RIN2: variants seen among roughly 807,000 people sequenced by gnomAD.
The protein encoded by RIN2 is RAB5 interacting protein 2.
In RIN2, 36 loss-of-function variants were observed where a neutral mutation model predicts 78.0. That is an observed-to-expected ratio of 0.46 (90% CI 0.35 to 0.61). RIN2 has a LOEUF of 0.61. RIN2 is among the 20% of genes least tolerant of loss of function. The probability of loss-of-function intolerance (pLI) is 0.00; values close to 1 mark genes in which losing one functional copy is unlikely to be tolerated. For missense variants in RIN2, 1,087 were observed against 1,159.7 expected (o/e 0.94, Z 0.91); for synonymous variants, 466 against 466.8 (o/e 1.00, Z 0.02).
chr20:19,887,679 C>T (rs1170642843), intron 2 of RIN2, among the ~76,000 whole-genome samples: 6 of 152,200 alleles, frequency 3.9e-5, no homozygotes, highest in African/African-American at 9.7e-5. Flanking sequence ...GCAAAATTCC[C>T]TGTCTGCCCT....
intron 2 of RIN2, among the ~76,000 whole-genome samples, chr20:19,851,886 C>G (rs2036992595): frequency 6.6e-6 from 1 of 152,192 alleles, no homozygotes; most frequent in Non-Finnish European, 1.5e-5. Flanking sequence ...ACAAGCACTT[C>G]TTTCTCACAC....
chr20:19,929,714 G>T (rs1381975315), intron 3 of RIN2, among the ~76,000 whole-genome samples: 1 of 152,128 alleles, frequency 6.6e-6, no homozygotes, highest in Non-Finnish European at 1.5e-5. Flanking sequence ...ATTAAAACTG[G>T]CCTCCTTTGT....
chr20:19,862,899 G>C (rs953485982), intron 2 of RIN2, among the ~76,000 whole-genome samples: 4 of 152,118 alleles, frequency 2.6e-5, no homozygotes, highest in African/African-American at 9.7e-5. Context: ...CTTTGGATTG[G>C]TTTGTAACAT....
At chr20:19,959,675 G>T (rs1369666668) in intron 5 of RIN2, among the ~76,000 whole-genome samples, 1 of 152,168 alleles carries the variant, frequency 6.6e-6, no homozygotes, top group Non-Finnish European at 1.5e-5. Context: ...GTAGGGGAGA[G>T]AATAGGTAGA....
In RIN2 at chr20:19,975,687, G is replaced by A. The variant is rs1293028521; in HGVS notation, c.1662G>A (p.Leu554=). Residue 554 remains leucine (L), a synonymous_variant, in exon 9 of 13, where the codon CTG becomes CTA. Coordinates refer to ENST00000255006, the MANE Select transcript of RIN2 (RefSeq NM_018993.4). The surrounding 1 kb of genome is among the most constrained non-coding windows in gnomAD (Gnocchi z 4.9). ...KECHVSSTDM[L]QTIRQFMTQV... ...GCCACGTGTCCAGCACCGACATGCT[G>A]CAGACCATCCGGCAGTTCATGACCC... is the stretch of plus-strand genomic sequence containing the variant. The A allele has an allele frequency of 6.2e-7, 1 of 1,613,550 alleles. No individual in the cohort carries two copies. Among genetic ancestry groups the A allele is most frequent in the African/African-American group, 1.3e-5 (1 of 74,916 alleles).
At chr20:19,942,118 A>AAAAAAAAAAAAAAAAAAAAG (rs61328325) in intron 4 of RIN2, among the ~76,000 whole-genome samples, 7 of 142,988 alleles carry the variant, frequency 4.9e-5, no homozygotes, top group African/African-American at 8.2e-5. Context: ...TCAAAAAAAA[A>AAAAAAAAAAAAAAAAAAAAG]AAAAGAAAGA....
chr20:19,945,346 G>C (rs1600894692), intron 4 of RIN2, among the ~76,000 whole-genome samples: 1 of 152,146 alleles, frequency 6.6e-6, no homozygotes, highest in South Asian at 2.1e-4. Flanking sequence ...GCAGGAGGTG[G>C]GTGGCTTTGA....
chr20:19,896,942 T>C (rs1471608035), intron 3 of RIN2, among the ~76,000 whole-genome samples: 1 of 152,228 alleles, frequency 6.6e-6, no homozygotes, highest in South Asian at 2.1e-4. Context: ...TAAAAAAGTA[T>C]TAATCAGATA....
intron 2 of RIN2, among the ~76,000 whole-genome samples, chr20:19,882,396 A>C (rs1207270346): frequency 6.6e-6 from 1 of 152,238 alleles, no homozygotes; most frequent in Admixed American, 6.5e-5. Flanking sequence ...AATTAAAATT[A>C]AATGAATAGC....
intron 4 of RIN2, among the ~76,000 whole-genome samples, chr20:19,939,862 T>C (rs1280040346): frequency 6.6e-6 from 1 of 152,048 alleles, no homozygotes; most frequent in Non-Finnish European, 1.5e-5. Context: ...TTTTTTTTTT[T>C]TTCTTGGAAA....
intron 4 of RIN2, among the ~76,000 whole-genome samples, chr20:19,943,579 G>T (rs530150710): frequency 2.4e-4 from 37 of 152,030 alleles, no homozygotes; most frequent in African/African-American, 7.0e-4. Flanking sequence ...AGTTTAATGG[G>T]ACAAAAAAAG....
At chr20:19,856,448 G>T (rs186370363) in intron 2 of RIN2, among the ~76,000 whole-genome samples, 3 of 151,800 alleles carry the variant, frequency 2.0e-5, no homozygotes, top group Non-Finnish European at 4.4e-5. Flanking sequence ...TGGGAGGATC[G>T]CTTGAGCCCA....
At chr20:19,848,315 A>G (rs2036849051) in intron 2 of RIN2, among the ~76,000 whole-genome samples, 1 of 152,072 alleles carries the variant, frequency 6.6e-6, no homozygotes, top group Admixed American at 6.6e-5. Flanking sequence ...TGGGTGGATC[A>G]TGAGGTCAGG....
At chr20:19,890,679 C>CAAAAAAAAAAAAAAAAAAAAAAAAA (rs534202183) in intron 3 of RIN2, among the ~76,000 whole-genome samples, 4 of 64,458 alleles carry the variant, frequency 6.2e-5, no homozygotes, top group Admixed American at 2.6e-4. Flanking sequence ...GTTGACTCTA[C>CAAAAAAAAAAAAAAAAAAAAAAAAA]AAAAAAAAAA....
At chr20:19,983,609 A>C (rs1342285586) in intron 9 of RIN2, among the ~76,000 whole-genome samples, 2 of 152,156 alleles carry the variant, frequency 1.3e-5, no homozygotes, top group Non-Finnish European at 2.9e-5. Context: ...TTTTTAAAAA[A>C]AAATCAGAAT....
At chr20:19,990,635 A>G (rs374539983) in intron 10 of RIN2, among the ~76,000 whole-genome samples, 14 of 151,776 alleles carry the variant, frequency 9.2e-5, no homozygotes, top group African/African-American at 2.2e-4. Context: ...TAACTGAGGG[A>G]CTTTGGCCCC....
chr20:19,894,809 T>C (rs1006431835), intron 3 of RIN2, among the ~76,000 whole-genome samples: 3 of 152,184 alleles, frequency 2.0e-5, no homozygotes, highest in Non-Finnish European at 2.9e-5. Flanking sequence ...TTATAAATGA[T>C]GCCTATAATC....
At chr20:19,939,892 C>G (rs1189096334) in intron 4 of RIN2, among the ~76,000 whole-genome samples, 2 of 151,000 alleles carry the variant, frequency 1.3e-5, no homozygotes, top group African/African-American at 4.9e-5. Flanking sequence ...ACTCTATCGC[C>G]TAGGCTGGAG....
chr20:19,789,160 G>A (rs1018480422), intron 1 of RIN2, among the ~76,000 whole-genome samples: 20 of 152,272 alleles, frequency 1.3e-4, no homozygotes, highest in African/African-American at 2.6e-4. Flanking sequence ...GCAATTAAGC[G>A]GGTGTGGAGG....
Sources: gnomAD v4.1 joint callset for allele counts (sites outside exome capture counted in the v4.1 genomes callset) on GRCh38, gnomAD v4.1.1 for gene constraint, Gnocchi (gnomAD v3.1) non-coding constraint, MANE v1.5 for transcripts, NCBI Gene and HGNC (gene_info 2026-07-23, HGNC 2026-07-21) for gene names.